Variants in UQCR11 observed in about 807,000 individuals in gnomAD.
UQCR11 encodes the protein ubiquinol-cytochrome c reductase, complex III subunit XI, also known as cytochrome b-c1 complex subunit 10.
Under a neutral mutation model 7.6 loss-of-function variants are expected in UQCR11, and 10 were observed. That is an observed-to-expected ratio of 1.31 (90% CI 0.81 to 2.22). The LOEUF (loss-of-function observed/expected upper bound fraction) is 2.22, where lower values mean the gene tolerates loss of function less well. Among genes scored for constraint, UQCR11 ranks in the 30% most tolerant of loss-of-function variants. The pLI, the probability that UQCR11 is intolerant of heterozygous loss-of-function variation, is 0.00. For synonymous variants in UQCR11, 34 were observed against 34.9 expected (o/e 0.97, Z 0.09); for missense variants, 86 against 75.1 (o/e 1.15, Z -0.54).
At chr19:1,604,642 C>T (rs2060756406) in intron 1 of UQCR11, among the ~76,000 whole-genome samples, 1 of 152,208 alleles carries the variant, frequency 6.6e-6, no homozygotes, top group Admixed American at 6.5e-5. Context: ...ATTCTCCTTC[C>T]TCAGCCTCCC....
At chr19:1,605,304 G>T in intron 1 of UQCR11, 56 bp downstream of exon 1, 1 of 1,516,504 alleles carries the variant, frequency 6.6e-7, no homozygotes. Context: ...GAACGCAGCG[G>T]CGCGGGGCTG....
intron 2 of UQCR11, 185 bp downstream of exon 2, chr19:1,599,227 G>C: frequency 1.4e-6 from 1 of 694,460 alleles, no homozygotes; most frequent in Non-Finnish European, 2.3e-6. Context: ...GCTGCGGGGC[G>C]GACAGTTCTG....
Position 1,599,503 on chromosome 19 carries a change from G to A in UQCR11, c.108C>T (p.Thr36=), listed in dbSNP as rs142985781. The A allele has an allele frequency of 1.9e-4, 308 of 1,613,458 alleles. No homozygotes were observed. The highest frequency in any genetic ancestry group is 4.9e-4 in the Middle Eastern group (3 of 6,084). The part of the protein sequence containing the change: ...AVGAVGLVWA[T]DWRLILDWVP... ...CCCAGTCCAGGATCAGCCGCCAATC[G>A]GTGGCCCACACCAGCCCCACGGCGC... is the stretch of plus-strand genomic sequence containing the variant. The change falls in exon 2 of 3, where the codon ACC becomes ACT. Residue 36 remains threonine (T), a synonymous_variant. Transcript: ENST00000591899.
Position 1,599,521 on chromosome 19 carries a change from C to T in UQCR11, c.90G>A (p.Val30=), listed in dbSNP as rs200961560. 164 of 1,612,874 alleles carry T rather than the reference C, an allele frequency of 1.0e-4. No homozygotes were observed. Among genetic ancestry groups the T allele is most frequent in the Admixed American group, 2.2e-4 (13 of 60,010 alleles). ...TAYTWGAVGA[V]GLVWATDWRL... ...GCCAATCGGTGGCCCACACCAGCCC[C>T]ACGGCGCCCACAGCGCCCCATGTGT... is the stretch of plus-strand genomic sequence containing the variant. Residue 30 remains valine, a synonymous_variant, in exon 2 of 3, where the codon GTG becomes GTA. Coordinates refer to ENST00000591899, the MANE Select transcript of UQCR11 (RefSeq NM_006830.4).
intron 1 of UQCR11, 134 bp downstream of exon 1, chr19:1,605,226 C>G (rs2145623312): frequency 3.6e-6 from 4 of 1,119,972 alleles, no homozygotes; most frequent in Admixed American, 3.5e-5. Context: ...GTTTCCCCCT[C>G]TGTCACCGGG....
At chr19:1,603,155 C>T (rs186071607) in intron 1 of UQCR11, among the ~76,000 whole-genome samples, 5 of 152,348 alleles carry the variant, frequency 3.3e-5, no homozygotes, top group African/African-American at 1.2e-4. Context: ...GCCCCTCGCA[C>T]GCACGTGTCT....
At chr19:1,600,710 C>A (rs772002841) in intron 1 of UQCR11, among the ~76,000 whole-genome samples, 2 of 151,938 alleles carry the variant, frequency 1.3e-5, no homozygotes, top group Admixed American at 1.3e-4. Flanking sequence ...CATCTCTACA[C>A]AAAATTAAGA....
chr19:1,602,911 C>T (rs1328053507), intron 1 of UQCR11, among the ~76,000 whole-genome samples: 3 of 152,204 alleles, frequency 2.0e-5, no homozygotes, highest in South Asian at 2.1e-4. Flanking sequence ...TGAGGAAGGA[C>T]GTACAGACCA....
Position 1,599,551 on chromosome 19 carries a change from C to T in UQCR11, c.60G>A (p.Thr20=), listed in dbSNP as rs776264151. The T allele has an allele frequency of 6.1e-5, 99 of 1,610,106 alleles. No individual in the cohort carries two copies. Among genetic ancestry groups the T allele is most frequent in the Admixed American group, 6.0e-4 (36 of 59,996 alleles). The change falls in exon 2 of 3, where the codon ACG becomes ACA. Residue 20 remains threonine (T), a synonymous_variant. Transcript: ENST00000591899. The part of the protein sequence containing the change: ...YRELVKNWVP[T]AYTWGAVGAV... ...CGCCCACAGCGCCCCATGTGTAGGC[C>T]GTCGGGACCCTGCGAGAGGAGAGGG...
Position 1,605,259 on chromosome 19 carries a change from G to A in UQCR11, c.50+101C>T, listed in dbSNP as rs2060758651. Reference sequence around the variant, plus strand: ...GGGAACAACAAGGGACCTGGGCCCGGCCCGGCCCGGCCCCCGGAAACGCGC... The same window carrying A: ...GGGAACAACAAGGGACCTGGGCCCGACCCGGCCCGGCCCCCGGAAACGCGC... On this transcript the variant is annotated intron_variant, in intron 1 of 2. Coordinates refer to ENST00000591899, the MANE Select transcript of UQCR11 (RefSeq NM_006830.4). 29 of 1,361,236 alleles carry A rather than the reference G, an allele frequency of 2.1e-5. No homozygotes were observed. In the South Asian group the frequency reaches 3.9e-4, roughly 18 times the overall value. 84.3% of individuals were successfully genotyped at this position (1,361,236 alleles called of 1,614,324 possible). A position where few individuals can be genotyped will look rare whatever the true frequency, so the allele number is the denominator to read the frequency against.
rs534628390 is a variant in UQCR11, at chr19:1,604,493, G to A, written c.50+867C>T. ...CCCAAAGCACTGGGATCACAGGCCG[G>A]AGCCACTGCACCCGGCTAAGACCTT... On this transcript the variant is annotated intron_variant, in intron 1 of 2. Transcript: ENST00000591899. Among the ~76,000 whole-genome samples, 24 of 152,214 alleles carry A rather than the reference G, an allele frequency of 1.6e-4. 1 individual carries two copies. Among genetic ancestry groups the A allele is most frequent in the African/African-American group, 5.5e-4 (23 of 41,532 alleles).
At chr19:1,601,743 T>C (rs2060747774) in intron 1 of UQCR11, among the ~76,000 whole-genome samples, 1 of 152,150 alleles carries the variant, frequency 6.6e-6, no homozygotes, top group African/African-American at 2.4e-5. Context: ...GTGCACCCAC[T>C]GAAACTGTGA....
chr19:1,601,405 A>G (rs1466468874), intron 1 of UQCR11, among the ~76,000 whole-genome samples: 1 of 152,086 alleles, frequency 6.6e-6, no homozygotes, highest in African/African-American at 2.4e-5. Flanking sequence ...GATAGGGACC[A>G]TCCTGGCTAA....
chr19:1,599,125 G>A (rs1178910711), intron 2 of UQCR11: 2 of 341,262 alleles, frequency 5.9e-6, no homozygotes, highest in East Asian at 7.1e-5. Flanking sequence ...AGGCTGCAGT[G>A]CCCACTGAGA....
chr19:1,601,025 C>T lies in UQCR11; in HGVS notation c.51-1465G>A, dbSNP rs563113514. Among the ~76,000 whole-genome samples, 154 of 152,072 alleles carry T rather than the reference C, an allele frequency of 1.0e-3. 1 individual carries two copies. The highest frequency in any genetic ancestry group is 3.6e-3 in the African/African-American group (149 of 41,496). On this transcript the variant is annotated intron_variant, in intron 1 of 2. Coordinates refer to ENST00000591899, the MANE Select transcript of UQCR11 (RefSeq NM_006830.4). ...CTCTACTAAAAATACAAAAATTAGC[C>T]GGGCATGGTGGTGGGTGCCTGTAAT...
chr19:1,605,262 C>G, intron 1 of UQCR11, 98 bp downstream of exon 1: 3 of 1,370,930 alleles, frequency 2.2e-6, no homozygotes, highest in Non-Finnish European at 2.9e-6. Flanking sequence ...GGGCCCGGCC[C>G]GGCCCGGCCC....
At chr19:1,600,010 G>C (rs2060742614) in intron 1 of UQCR11, among the ~76,000 whole-genome samples, 1 of 152,232 alleles carries the variant, frequency 6.6e-6, no homozygotes, top group Admixed American at 6.5e-5. Context: ...AGCTGGCGAG[G>C]ATCGAGGCCT....
intron 1 of UQCR11, 25 bp from the exon 2 acceptor site, chr19:1,599,585 G>A (rs200918852): frequency 1.2e-6 from 2 of 1,603,052 alleles, no homozygotes; most frequent in African/African-American, 2.7e-5. Context: ...GGGATGGTCA[G>A]GCCTGCTCTG....
chr19:1,600,062 G>GT (rs2060742784), intron 1 of UQCR11, among the ~76,000 whole-genome samples: 1 of 152,204 alleles, frequency 6.6e-6, no homozygotes, highest in South Asian at 2.1e-4. Flanking sequence ...GGCACGTGCT[G>GT]TGAGAGCTCC....
Sources: allele counts gnomAD v4.1 joint callset (sites outside exome capture counted in the v4.1 genomes callset), GRCh38; gene constraint gnomAD v4.1.1; transcripts MANE v1.5; gene names NCBI Gene and HGNC (gene_info 2026-07-23, HGNC 2026-07-21).